The following SPRY3 variants were observed in gnomAD, a reference collection of about 807,000 sequenced individuals.
The protein encoded by SPRY3 is protein sprouty homolog 3.
SPRY3 carries 15 observed loss-of-function variants against 20.2 expected under a neutral mutation model. The ratio of observed to expected loss-of-function variants is 0.74; its 90% CI spans 0.50 to 1.14. The LOEUF (loss-of-function observed/expected upper bound fraction) is 1.14. Among genes scored for constraint, SPRY3 ranks in the 50% most tolerant of loss-of-function variants. The pLI, the probability that SPRY3 is intolerant of heterozygous loss-of-function variation, is 0.00. For synonymous variants in SPRY3, 143 were observed against 136.5 expected, an observed-to-expected ratio of 1.05 and a Z score of -0.33; for missense variants, 364 against 363.9, an observed-to-expected ratio of 1.00 and a Z score of 0.00.
At chrX:155,772,109 A>G (rs1459404428) in intron 3 of SPRY3, among the ~76,000 whole-genome samples, 7 of 152,160 alleles carry the variant, frequency 4.6e-5, no homozygotes, top group Non-Finnish European at 1.0e-4. Context: ...CTTATGCTGC[A>G]TTTATTTAAC....
At chrX:155,667,258 G>C (rs1468853510) in intron 2 of SPRY3, among the ~76,000 whole-genome samples, 2 of 110,795 alleles carry the variant, frequency 1.8e-5, no homozygotes, top group African/African-American at 3.3e-5. Flanking sequence ...AGAAGTCAAG[G>C]GGGCATTTTG....
At chrX:155,717,400 T>A (rs985971138) in intron 2 of SPRY3, among the ~76,000 whole-genome samples, 3 of 152,052 alleles carry the variant, frequency 2.0e-5, no homozygotes, top group African/African-American at 7.2e-5. Flanking sequence ...ACTACCTTTT[T>A]AAAAATACTT....
chrX:155,665,901 G>C (rs1334566872), intron 2 of SPRY3, among the ~76,000 whole-genome samples: 3 of 111,810 alleles, frequency 2.7e-5, no homozygotes, highest in Non-Finnish European at 5.7e-5. Flanking sequence ...TAAATTTTCT[G>C]TATGTTTGAA....
chrX:155,753,920 C>A (rs1402291714), intron 2 of SPRY3, among the ~76,000 whole-genome samples: 1 of 151,826 alleles, frequency 6.6e-6, no homozygotes, highest in Non-Finnish European at 1.5e-5. Context: ...AAATCCTTTG[C>A]GCATTTTTCC....
chrX:155,763,143 A>G (rs1189193031), intron 2 of SPRY3, among the ~76,000 whole-genome samples: 4 of 152,144 alleles, frequency 2.6e-5, no homozygotes, highest in African/African-American at 9.7e-5. Flanking sequence ...GTTCTCACTT[A>G]TAAGTGGGAG....
chrX:155,630,888 A>G (rs1294472018), intron 1 of SPRY3, among the ~76,000 whole-genome samples: 2 of 111,359 alleles, frequency 1.8e-5, no homozygotes, highest in African/African-American at 3.3e-5. Context: ...CATAAATCTC[A>G]GAAGCTTTCT....
At chrX:155,740,145 G>A (rs769526147) in intron 2 of SPRY3, among the ~76,000 whole-genome samples, 15 of 152,182 alleles carry the variant, frequency 9.9e-5, no homozygotes, top group Admixed American at 2.0e-4. Flanking sequence ...AATTTCTTAC[G>A]CCTGTCTTGC....
At chrX:155,700,080 T>C (rs2068131508) in intron 2 of SPRY3, among the ~76,000 whole-genome samples, 1 of 104,987 alleles carries the variant, frequency 9.5e-6, no homozygotes, top group South Asian at 4.3e-4. Context: ...AACAAAATGG[T>C]TGTAAACAAA....
At chrX:155,716,573 C>T (rs1341718721) in intron 2 of SPRY3, among the ~76,000 whole-genome samples, 2 of 152,046 alleles carry the variant, frequency 1.3e-5, no homozygotes, top group African/African-American at 2.4e-5. Context: ...CTCTTTCCCT[C>T]AATGTTATGT....
At chrX:155,667,910 G>A (rs924053252) in intron 2 of SPRY3, among the ~76,000 whole-genome samples, 1 of 111,100 alleles carries the variant, frequency 9.0e-6, no homozygotes, top group East Asian at 2.8e-4. Context: ...AATCCACAAT[G>A]TGCCCACTCT....
chrX:155,672,655 G>A (rs1420652171), intron 2 of SPRY3, among the ~76,000 whole-genome samples: 598 of 86,263 alleles, frequency 6.9e-3, no homozygotes, highest in Non-Finnish European at 9.6e-3. Context: ...AAGTCAGTGT[G>A]GTGATTCCTC....
At chrX:155,657,566 G>A (rs782582837) in intron 2 of SPRY3, among the ~76,000 whole-genome samples, 11 of 112,151 alleles carry the variant, frequency 9.8e-5, no homozygotes, top group Non-Finnish European at 1.7e-4. Context: ...AGTGGGACCC[G>A]CTGAGTGAGA....
intron 2 of SPRY3, among the ~76,000 whole-genome samples, chrX:155,767,381 C>T (rs959306452): frequency 3.3e-5 from 5 of 152,076 alleles, no homozygotes; most frequent in East Asian, 1.9e-4. Context: ...ACTCCCTGCC[C>T]CCACTGCAGA....
chrX:155,779,268 G>C (rs191853363), downstream of SPRY3: 360 of 167,146 alleles, frequency 2.2e-3, 2 homozygotes, highest in Middle Eastern at 0.017. Context: ...TAAACAGTAA[G>C]GCAAGTATAT....
At chrX:155,772,735 C>G (rs943835564) in intron 3 of SPRY3, among the ~76,000 whole-genome samples, 1 of 152,082 alleles carries the variant, frequency 6.6e-6, no homozygotes, top group African/African-American at 2.4e-5. Flanking sequence ...CTCTTCCTGA[C>G]TGTAGTACAA....
chrX:155,780,010 T>C (rs1218037779), downstream of SPRY3: 1 of 166,982 alleles, frequency 6.0e-6, no homozygotes, highest in Admixed American at 6.6e-5. Flanking sequence ...GTGTTGCTGC[T>C]GTTAAAGGCC....
chrX:155,729,598 A>G (rs1230111775), intron 2 of SPRY3, among the ~76,000 whole-genome samples: 1 of 152,074 alleles, frequency 6.6e-6, no homozygotes, highest in Non-Finnish European at 1.5e-5. Flanking sequence ...GTAAGTGCCT[A>G]TGTTAAAAAA....
chrX:155,775,093 G>C, exon 4 of SPRY3: 1 of 327,134 alleles, frequency 3.1e-6, no homozygotes, highest in Admixed American at 4.5e-5. Context: ...TGCAGGCTCT[G>C]ATCGTCACTC....
chrX:155,775,736 G>C (rs774363061), exon 4 of SPRY3: 9 of 167,184 alleles, frequency 5.4e-5, no homozygotes, highest in African/African-American at 2.2e-4. Context: ...TCATAACTTT[G>C]TATGTCTGAC....
Sources: allele counts gnomAD v4.1 joint callset (sites outside exome capture counted in the v4.1 genomes callset), GRCh38; gene constraint gnomAD v4.1.1; transcripts MANE v1.5; gene names NCBI Gene and HGNC (gene_info 2026-07-23, HGNC 2026-07-21).